Variants in LAMA2 observed in about 807,000 individuals in gnomAD.
LAMA2 encodes the protein laminin subunit alpha 2.
In LAMA2, 269 loss-of-function variants were observed where a neutral mutation model predicts 364.8. The observed-to-expected ratio is 0.74, with a 90% CI of 0.67 to 0.82. The LOEUF (loss-of-function observed/expected upper bound fraction) is 0.82, where lower values mean the gene tolerates loss of function less well. LAMA2 is among the 40% of genes least tolerant of loss of function. The pLI is 0.00. For missense variants in LAMA2, 3,807 were observed against 3,873.2 expected (o/e 0.98, Z 0.45); for synonymous variants, 1,379 against 1,370.6 (o/e 1.01, Z -0.14).
rs1228956080 is a variant in LAMA2, at chr6:129,267,134, A to G, written c.2237A>G (p.Asn746Ser). The G allele has an allele frequency of 1.2e-6, 2 of 1,613,188 alleles. No individual in the cohort carries two copies. The highest frequency in any genetic ancestry group is 3.3e-5 in the Admixed American group (2 of 59,980). Reference protein sequence around the residue: ...ESCWPRHRRVNGTIFGGICEP... With the variant: ...ESCWPRHRRVSGTIFGGICEP... The stretch of plus-strand genomic sequence containing the variant: ...TGTTGGCCTAGGCACAGGCGAGTTA[A>G]CGGCACTATTTTTGGTGGCATCTGT... The change falls in exon 16 of 65, where the codon AAC (asparagine) becomes AGC (serine). Residue 746 changes from asparagine to serine, a missense_variant. By Grantham distance (46) the Asn-to-Ser change is conservative. Around this residue, in one of 3 missense-constraint regions of LAMA2, gnomAD observed 3,333 missense variants for 3,345.7 expected, o/e 1.00. Coordinates refer to ENST00000421865, the MANE Select transcript of LAMA2 (RefSeq NM_000426.4).
intron 9 of LAMA2, among the ~76,000 whole-genome samples, chr6:129,171,722 G>T (rs1297636694): frequency 7.9e-6 from 1 of 126,534 alleles, no homozygotes; most frequent in Non-Finnish European, 1.6e-5. Flanking sequence ...ACGTTGGCCT[G>T]CCTTGCTAGA....
intron 12 of LAMA2, among the ~76,000 whole-genome samples, chr6:129,198,473 A>G (rs953151521): frequency 1.3e-5 from 2 of 152,192 alleles, no homozygotes; most frequent in African/African-American, 4.8e-5. Flanking sequence ...ATGCTGAAGC[A>G]GCTTATTCAA....
intron 1 of LAMA2, among the ~76,000 whole-genome samples, chr6:128,982,400 T>C (rs1390571096): frequency 6.6e-6 from 1 of 152,162 alleles, no homozygotes; most frequent in Non-Finnish European, 1.5e-5. Flanking sequence ...TTCCTACCTT[T>C]CTTAACCTAC....
At chr6:129,277,556 C>T (rs1479624999) in intron 17 of LAMA2, among the ~76,000 whole-genome samples, 3 of 152,054 alleles carry the variant, frequency 2.0e-5, no homozygotes, top group African/African-American at 7.2e-5. Context: ...CTTAAACTTA[C>T]TTAATTCTTA....
At chr6:129,432,909 T>A (rs987009848) in intron 41 of LAMA2, among the ~76,000 whole-genome samples, 1 of 152,080 alleles carries the variant, frequency 6.6e-6, no homozygotes, top group African/African-American at 2.4e-5. Context: ...GACCCCCTAG[T>A]GGGAGGAAGA....
chr6:128,918,236 A>G (rs1039793548), intron 1 of LAMA2, among the ~76,000 whole-genome samples: 1 of 152,200 alleles, frequency 6.6e-6, no homozygotes, highest in Non-Finnish European at 1.5e-5. Context: ...CATTACTTTA[A>G]ATTTCCTAAA....
chr6:129,158,854 A>G, intron 8 of LAMA2: 1 of 1,613,948 alleles, frequency 6.2e-7, no homozygotes, highest in Non-Finnish European at 8.5e-7. Flanking sequence ...CTCCCTGGTC[A>G]TCTTCTTCTA....
intron 12 of LAMA2, among the ~76,000 whole-genome samples, chr6:129,227,691 T>G (rs548055235): frequency 6.6e-6 from 1 of 152,276 alleles, no homozygotes; most frequent in African/African-American, 2.4e-5. Flanking sequence ...CTCTGGAAGC[T>G]TCGTCTCAGA....
chr6:129,124,126 A>G (rs1215536831), intron 4 of LAMA2, among the ~76,000 whole-genome samples: 1 of 152,158 alleles, frequency 6.6e-6, no homozygotes, highest in Non-Finnish European at 1.5e-5. Context: ...AAAGCCTTCT[A>G]ACTTGTGGTG....
At chr6:129,125,459 T>C (rs978813903) in intron 4 of LAMA2, among the ~76,000 whole-genome samples, 1 of 152,162 alleles carries the variant, frequency 6.6e-6, no homozygotes, top group African/African-American at 2.4e-5. Context: ...CATCTACCTT[T>C]AGAGGTCAGA....
intron 55 of LAMA2, among the ~76,000 whole-genome samples, chr6:129,483,363 T>C (rs1401939453): frequency 6.6e-6 from 1 of 151,970 alleles, no homozygotes; most frequent in Non-Finnish European, 1.5e-5. Flanking sequence ...AACAAGTAAA[T>C]ATAGCACAAG....
intron 35 of LAMA2, among the ~76,000 whole-genome samples, chr6:129,391,109 ACTG>A (rs1247463544): frequency 6.6e-6 from 1 of 152,136 alleles, no homozygotes; most frequent in East Asian, 1.9e-4. Flanking sequence ...ACTGATAGCC[ACTG>A]CTATGACTAT....
intron 21 of LAMA2, among the ~76,000 whole-genome samples, chr6:129,299,960 G>A (rs554358399): frequency 1.1e-4 from 17 of 152,218 alleles, no homozygotes; most frequent in East Asian, 9.6e-4. Flanking sequence ...GACATGAAAC[G>A]CTGCACTAGA....
chr6:128,925,800 G>A (rs907675197), intron 1 of LAMA2, among the ~76,000 whole-genome samples: 4 of 151,750 alleles, frequency 2.6e-5, no homozygotes, highest in African/African-American at 4.9e-5. Flanking sequence ...AGCAATATAT[G>A]GTTTATTCTT....
chr6:129,273,753 A>G lies in LAMA2; in HGVS notation c.2450+3002A>G, dbSNP rs141953769. Among the ~76,000 whole-genome samples, 446 of 152,224 alleles carry G rather than the reference A, an allele frequency of 2.9e-3. 4 individuals carry two copies. The highest frequency in any genetic ancestry group is 0.01 in the African/African-American group (417 of 41,548). On this transcript the variant is annotated intron_variant, in intron 17 of 64. Coordinates refer to ENST00000421865, the MANE Select transcript of LAMA2 (RefSeq NM_000426.4). ...AATAATATTATTTCCTAAAAGATGTATATTCTAATTTGGTATAATTACGTT... is the reference window on the plus strand; with the variant it reads ...AATAATATTATTTCCTAAAAGATGTGTATTCTAATTTGGTATAATTACGTT...
chr6:129,394,464 G>A (rs1461041903), intron 37 of LAMA2, among the ~76,000 whole-genome samples: 2 of 152,052 alleles, frequency 1.3e-5, no homozygotes, highest in African/African-American at 2.4e-5. Context: ...CCCTCTTCTG[G>A]GACTTAGCCT....
intron 4 of LAMA2, among the ~76,000 whole-genome samples, chr6:129,099,411 A>G (rs1037237127): frequency 6.6e-6 from 1 of 151,718 alleles, no homozygotes; most frequent in African/African-American, 2.4e-5. Context: ...AAATACCCAA[A>G]CTTTGACTTA....
At chr6:129,403,707 G>T in intron 39 of LAMA2, 114 bp from the exon 40 acceptor site, 1 of 943,524 alleles carries the variant, frequency 1.1e-6, no homozygotes, top group South Asian at 1.3e-5. Flanking sequence ...ATTTGGAATT[G>T]TCATAGATAT....
chr6:129,473,377 A>AAGG, intron 52 of LAMA2, 25 bp downstream of exon 52: 1 of 1,605,390 alleles, frequency 6.2e-7, no homozygotes. Flanking sequence ...ATGTAAAGCT[A>AAGG]AGGATTAAGT....
Sources: gnomAD v4.1 joint callset for allele counts (sites outside exome capture counted in the v4.1 genomes callset) on GRCh38, gnomAD v4.1.1 for gene constraint, gnomAD v4.1.1 regional missense constraint, MANE v1.5 for transcripts, NCBI Gene and HGNC (gene_info 2026-07-23, HGNC 2026-07-21) for gene names.